The following IQCH variants were observed in gnomAD, a reference collection of about 807,000 sequenced individuals.
The protein encoded by IQCH is IQ domain-containing protein H.
Under a neutral mutation model 117.0 loss-of-function variants are expected in IQCH, and 98 were observed. That is an observed-to-expected ratio of 0.84 (90% CI 0.71 to 0.99). The LOEUF is 0.99. IQCH is among the 50% of genes least tolerant of loss of function. The probability of loss-of-function intolerance (pLI) is 0.00; values close to 1 mark genes in which losing one functional copy is unlikely to be tolerated. For synonymous variants in IQCH, 412 were observed against 448.2 expected (o/e 0.92, Z 1.02); for missense variants, 1,102 against 1,243.8 (o/e 0.89, Z 1.72).
intron 14 of IQCH, among the ~76,000 whole-genome samples, chr15:67,410,484 C>T (rs1338114721): frequency 6.6e-6 from 1 of 152,202 alleles, no homozygotes; most frequent in Non-Finnish European, 1.5e-5. Context: ...GAAGAGAGAA[C>T]ATCTCATCTG....
rs1374018961 is a variant in IQCH, at chr15:67,386,721, T to C, written c.1456+1702T>C. 1.3e-5 allele frequency among the ~76,000 whole-genome samples: 2 copies of C among 152,160 alleles called. No individual in the cohort carries two copies. Among genetic ancestry groups the C allele is most frequent in the Non-Finnish European group, 2.9e-5 (2 of 68,018 alleles). On this transcript the variant is annotated intron_variant, in intron 11 of 20. Coordinates refer to ENST00000335894, the MANE Select transcript of IQCH (RefSeq NM_001031715.3). This position sits in a 1 kb window ranked among gnomAD's most constrained non-coding sequence, Gnocchi z 5.0. ...CCCAATGGCTAGTATTTTCAGTTCC[T>C]AGATGAGTTCAGCAAGGAAGTGACT...
chr15:67,431,251 CAAAT>C lies in IQCH; in HGVS notation c.2505+9676_2505+9679del, dbSNP rs2082013472. On this transcript the variant is annotated intron_variant, in intron 16 of 20. Transcript: ENST00000335894. The surrounding 1 kb of genome is among the most constrained non-coding windows in gnomAD (Gnocchi z 4.8). ...TGTTCCTCATATAAAAGTCTCTAAA[CAAAT>C]AGATTGGCAAAGATGCTCTATATGA... is the stretch of plus-strand genomic sequence containing the variant. Among the ~76,000 whole-genome samples, 1 of 152,128 alleles carries C rather than the reference CAAAT, an allele frequency of 6.6e-6. No individual in the cohort carries two copies. Among genetic ancestry groups the C allele is most frequent in the Non-Finnish European group, 1.5e-5 (1 of 68,028 alleles).
intron 4 of IQCH, among the ~76,000 whole-genome samples, chr15:67,323,002 C>T (rs940585616): frequency 6.6e-6 from 1 of 152,108 alleles, no homozygotes; most frequent in South Asian, 2.1e-4. Flanking sequence ...TGGGTTCAAT[C>T]AGAGGAAAGC....
At chr15:67,354,049 T>G (rs1249253111) in intron 6 of IQCH, among the ~76,000 whole-genome samples, 5 of 152,116 alleles carry the variant, frequency 3.3e-5, no homozygotes, top group African/African-American at 4.8e-5. Flanking sequence ...TTTACCAACC[T>G]TAACAGGTCA....
chr15:67,424,189 C>T lies in IQCH; in HGVS notation c.2505+2612C>T, dbSNP rs1464710199. Among the ~76,000 whole-genome samples the T allele has an allele frequency of 6.6e-6, 1 of 152,038 alleles. No homozygotes were observed. Among genetic ancestry groups the T allele is most frequent in the Non-Finnish European group, 1.5e-5 (1 of 67,998 alleles). ...GTCCATCCACACACCCTGTCTCATT[C>T]CCTCTTACTCATCATATTCCCTCTA... On this transcript the variant is annotated intron_variant, in intron 16 of 20. Transcript: ENST00000335894. This position sits in a 1 kb window ranked among gnomAD's most constrained non-coding sequence, Gnocchi z 4.9.
intron 4 of IQCH, among the ~76,000 whole-genome samples, chr15:67,299,223 ATTGAATTCACTGAGATAGAGAG>A (rs1966902607): frequency 6.6e-6 from 1 of 152,102 alleles, no homozygotes; most frequent in Non-Finnish European, 1.5e-5. Flanking sequence ...AATTAAAACA[ATTGAATTCACTGAGATAGAGAG>A]TAGAAGGATG....
intron 2 of IQCH, among the ~76,000 whole-genome samples, chr15:67,262,090 A>G (rs1385415097): frequency 6.8e-6 from 1 of 146,618 alleles, no homozygotes; most frequent in Non-Finnish European, 1.5e-5. Context: ...CTCTGTCTCA[A>G]AAAAAAAAAG....
intron 10 of IQCH, chr15:67,373,795 G>A: frequency 3.0e-6 from 1 of 335,372 alleles, no homozygotes; most frequent in Non-Finnish European, 5.5e-6. Context: ...TTGCTGTTAC[G>A]CCAATAAGCC....
intron 16 of IQCH, among the ~76,000 whole-genome samples, chr15:67,448,261 A>G (rs1044015765): frequency 3.3e-5 from 5 of 152,006 alleles, no homozygotes; most frequent in Non-Finnish European, 4.4e-5. Flanking sequence ...TTTAGGGTAC[A>G]TGTGCACAAC....
chr15:67,450,021 CTGTT>C (rs1215167279), intron 16 of IQCH, among the ~76,000 whole-genome samples: 2 of 152,102 alleles, frequency 1.3e-5, no homozygotes, highest in Non-Finnish European at 2.9e-5. Context: ...ATTTGCCTCT[CTGTT>C]TGTCTGTTAT....
chr15:67,353,450 C>G (rs147126167), intron 6 of IQCH, among the ~76,000 whole-genome samples: 4 of 151,592 alleles, frequency 2.6e-5, no homozygotes, highest in African/African-American at 9.7e-5. Flanking sequence ...ACCTCTGCCT[C>G]CAGGGCTCAA....
At chr15:67,468,656 C>A (rs977452907) in intron 17 of IQCH, among the ~76,000 whole-genome samples, 2 of 152,316 alleles carry the variant, frequency 1.3e-5, no homozygotes, top group African/African-American at 4.8e-5. Flanking sequence ...CTCTGCCAAC[C>A]CTTAAACAAT....
In IQCH at chr15:67,436,193, G is replaced by A. The variant is rs2082132641; in HGVS notation, c.2505+14616G>A. ...AATGTATTATCGAGACCCACTGAAG[G>A]AAGCCGACTGCTCCTGCAGGACCCA... On this transcript the variant is annotated intron_variant, in intron 16 of 20. Coordinates refer to ENST00000335894, the MANE Select transcript of IQCH (RefSeq NM_001031715.3). This position sits in a 1 kb window ranked among gnomAD's most constrained non-coding sequence, Gnocchi z 5.1. 6.6e-6 allele frequency among the ~76,000 whole-genome samples: 1 copy of A among 152,076 alleles called. No individual in the cohort carries two copies. Among genetic ancestry groups the A allele is most frequent in the Non-Finnish European group, 1.5e-5 (1 of 68,030 alleles).
rs568193164 is a variant in IQCH at position 67,472,461 on chromosome 15, G to A, written c.2677-3235G>A. On this transcript the variant is annotated intron_variant, in intron 17 of 20. Transcript: ENST00000335894. This position sits in a 1 kb window ranked among gnomAD's most constrained non-coding sequence, Gnocchi z 4.3. Reference sequence around the variant, plus strand: ...TGTGTTAGGGGGAAATGATTAATCCGGTGATACTGTTCAGAATCCCAGGAG... The same window carrying A: ...TGTGTTAGGGGGAAATGATTAATCCAGTGATACTGTTCAGAATCCCAGGAG... Among the ~76,000 whole-genome samples, 2 of 152,292 alleles carry A rather than the reference G, an allele frequency of 1.3e-5. No individual in the cohort carries two copies. The highest frequency in any genetic ancestry group is 1.9e-4 in the East Asian group (1 of 5,190).
Position 67,456,038 on chromosome 15 carries a change from T to C in IQCH, c.2506-9089T>C, listed in dbSNP as rs1334285003. On this transcript the variant is annotated intron_variant, in intron 16 of 20. Transcript: ENST00000335894. This position sits in a 1 kb window ranked among gnomAD's most constrained non-coding sequence, Gnocchi z 5.1. ...TATTCTGTATCTTTATAAATAATAG[T>C]TGGGCCATTGGTCTTGAAAGTAATA... Among the ~76,000 whole-genome samples, 1 of 152,156 alleles carries C rather than the reference T, an allele frequency of 6.6e-6. No individual in the cohort carries two copies. Among genetic ancestry groups the C allele is most frequent in the Non-Finnish European group, 1.5e-5 (1 of 68,032 alleles).
rs570238486 is a variant in IQCH at position 67,376,959 on chromosome 15, A to T, written c.1372+3526A>T. On this transcript the variant is annotated intron_variant, in intron 10 of 20. Transcript: ENST00000335894. This position sits in a 1 kb window ranked among gnomAD's most constrained non-coding sequence, Gnocchi z 5.0. ...TGGTGAAACCCCGTCTCTACTAAAA[A>T]TACAAAAATTAGCTGGGTGTGGTGG... is the stretch of plus-strand genomic sequence containing the variant. 6.6e-6 allele frequency among the ~76,000 whole-genome samples: 1 copy of T among 152,174 alleles called. No individual in the cohort carries two copies. Among genetic ancestry groups the T allele is most frequent in the East Asian group, 1.9e-4 (1 of 5,178 alleles).
intron 4 of IQCH, among the ~76,000 whole-genome samples, chr15:67,285,662 C>T (rs536004147): frequency 3.8e-4 from 58 of 152,282 alleles, no homozygotes; most frequent in African/African-American, 1.3e-3. Flanking sequence ...TTTCAGTCTT[C>T]TGCATATGGC....
chr15:67,275,012 G>A (rs1966064385), intron 3 of IQCH, among the ~76,000 whole-genome samples: 1 of 152,142 alleles, frequency 6.6e-6, no homozygotes, highest in Non-Finnish European at 1.5e-5. Context: ...GGGGACCTGT[G>A]GAACATACTT....
rs35806920 is a variant in IQCH, at chr15:67,413,070, G to GGTGTGTGT, written c.2098-3838_2098-3831dup. Among the ~76,000 whole-genome samples, 262 of 147,958 alleles carry GGTGTGTGT rather than the reference G, an allele frequency of 1.8e-3. 1 individual carries two copies. The highest frequency in any genetic ancestry group is 5.7e-3 in the African/African-American group (230 of 40,526). ...ATTGGAGTGTTTGTCTGTTATGGAA[G>GGTGTGTGT]GTGTGTGTGTGTGTGTGTGTGTGTG... is the stretch of plus-strand genomic sequence containing the variant. On this transcript the variant is annotated intron_variant, in intron 14 of 20. Transcript: ENST00000335894. This position sits in a 1 kb window ranked among gnomAD's most constrained non-coding sequence, Gnocchi z 5.0.
Sources: allele counts gnomAD v4.1 joint callset (sites outside exome capture counted in the v4.1 genomes callset), GRCh38; gene constraint gnomAD v4.1.1; non-coding constraint Gnocchi (gnomAD v3.1); transcripts MANE v1.5; gene names NCBI Gene and HGNC (gene_info 2026-07-23, HGNC 2026-07-21).